Variants in SLC39A11 observed in about 807,000 individuals in gnomAD.
The protein encoded by SLC39A11 is zinc transporter ZIP11.
SLC39A11 carries 33 observed loss-of-function variants against 36.1 expected under a neutral mutation model. That is an observed-to-expected ratio of 0.91 (90% CI 0.69 to 1.22). The LOEUF (loss-of-function observed/expected upper bound fraction) is 1.22. Ranked by LOEUF, SLC39A11 falls within the 50% of genes most tolerant of loss-of-function variation. The pLI, the probability that SLC39A11 is intolerant of heterozygous loss-of-function variation, is 0.00. For missense variants in SLC39A11, 432 were observed against 430.3 expected (o/e 1.00, Z -0.03); for synonymous variants, 166 against 170.3 (o/e 0.97, Z 0.20).
chr17:72,648,850 G>C lies in SLC39A11; in HGVS notation c.882C>G (p.Ala294=), dbSNP rs975084902. The stretch of plus-strand genomic sequence containing the variant: ...TGTCGTCCATGACCACGTAGACCAT[G>C]GCACCGGCAGCAAAGGCCAGAGCGT... ...LPYALAFAAG[A]MVYVVMDDII... is the part of the protein sequence containing the mutation. The change falls in exon 9 of 10, where the codon GCC becomes GCG. Residue 294 remains alanine, a synonymous_variant. Coordinates refer to ENST00000255559, the MANE Select transcript of SLC39A11 (RefSeq NM_139177.4). 8 of 1,614,090 alleles carry C rather than the reference G, an allele frequency of 5.0e-6. No individual in the cohort carries two copies. The highest frequency in any genetic ancestry group is 6.8e-6 in the Non-Finnish European group (8 of 1,180,048).
chr17:72,792,372 C>A (rs560010452), intron 6 of SLC39A11, among the ~76,000 whole-genome samples: 10 of 152,158 alleles, frequency 6.6e-5, no homozygotes, highest in Non-Finnish European at 1.2e-4. Flanking sequence ...AAGTTGAGGA[C>A]TGGGCTGGGT....
chr17:72,773,681 A>G (rs2076031305), intron 6 of SLC39A11, among the ~76,000 whole-genome samples: 1 of 139,112 alleles, frequency 7.2e-6, no homozygotes, highest in Non-Finnish European at 1.5e-5. Context: ...ACACACACCC[A>G]GTATATAAAG....
At chr17:72,678,647 G>T (rs2071381368) in intron 7 of SLC39A11, among the ~76,000 whole-genome samples, 1 of 152,032 alleles carries the variant, frequency 6.6e-6, no homozygotes, top group Non-Finnish European at 1.5e-5. Context: ...AAAGGTTGTA[G>T]TGAGCCGAGA....
chr17:72,884,294 T>G (rs1286989837), intron 5 of SLC39A11, among the ~76,000 whole-genome samples: 2 of 152,272 alleles, frequency 1.3e-5, no homozygotes, highest in East Asian at 3.8e-4. Flanking sequence ...TTTGTACTGT[T>G]GCCCAGCCAT....
intron 6 of SLC39A11, among the ~76,000 whole-genome samples, chr17:72,745,217 A>G (rs2074884437): frequency 6.6e-6 from 1 of 152,236 alleles, no homozygotes; most frequent in South Asian, 2.1e-4. Flanking sequence ...GTGGATGGGA[A>G]AGGGCACCTG....
At chr17:72,846,018 C>CTCTT (rs2079035587) in intron 6 of SLC39A11, among the ~76,000 whole-genome samples, 22 of 57,956 alleles carry the variant, frequency 3.8e-4, no homozygotes, top group South Asian at 1.4e-3. Context: ...CTCTCTCTCT[C>CTCTT]TTTTTTTTTT....
chr17:72,733,616 G>A (rs977320513), intron 7 of SLC39A11, among the ~76,000 whole-genome samples: 16 of 152,120 alleles, frequency 1.1e-4, no homozygotes, highest in Non-Finnish European at 7.4e-5. Context: ...GGCCTCATGC[G>A]GCCTTATTCA....
chr17:72,842,656 G>C (rs1479075818), intron 6 of SLC39A11, among the ~76,000 whole-genome samples: 1 of 152,140 alleles, frequency 6.6e-6, no homozygotes, highest in African/African-American at 2.4e-5. Context: ...TGCTCAAAAG[G>C]CTGCAGTCTC....
At chr17:72,750,160 G>A (rs2075099290) in intron 6 of SLC39A11, among the ~76,000 whole-genome samples, 1 of 152,150 alleles carries the variant, frequency 6.6e-6, no homozygotes, top group South Asian at 2.1e-4. Flanking sequence ...GTCACCCTGG[G>A]AATTATCCCA....
At chr17:72,843,091 A>C (rs914995333) in intron 6 of SLC39A11, among the ~76,000 whole-genome samples, 1 of 152,106 alleles carries the variant, frequency 6.6e-6, no homozygotes, top group African/African-American at 2.4e-5. Context: ...CTGGGATTAC[A>C]GGCACGTGCC....
At chr17:72,967,907 C>G (rs539348267) in intron 4 of SLC39A11, among the ~76,000 whole-genome samples, 2 of 152,182 alleles carry the variant, frequency 1.3e-5, no homozygotes, top group Non-Finnish European at 2.9e-5. Context: ...TCTCTGCAGT[C>G]TCAGTTCTTT....
Position 72,737,909 on chromosome 17 carries a change from T to C in SLC39A11, c.602-1190A>G, listed in dbSNP as rs117491882. Among the ~76,000 whole-genome samples, 252 of 152,186 alleles carry C rather than the reference T, an allele frequency of 1.7e-3. 6 individuals carry two copies. The East Asian group carries it at 0.043, about 26-fold the overall frequency. ...TCTACCCTGCCCATGCTCCCTGAAA[T>C]CAAGGGAGCCACCATCTGAATAAAC... On this transcript the variant is annotated intron_variant, in intron 6 of 9. Transcript: ENST00000255559.
chr17:72,905,591 T>C (rs1164178188), intron 5 of SLC39A11, among the ~76,000 whole-genome samples: 1 of 150,420 alleles, frequency 6.6e-6, no homozygotes, highest in Admixed American at 6.6e-5. Context: ...AGCAAGACTC[T>C]GTCTCTAAAA....
At chr17:72,956,603 C>T (rs1217497861) in intron 4 of SLC39A11, among the ~76,000 whole-genome samples, 1 of 152,160 alleles carries the variant, frequency 6.6e-6, no homozygotes, top group Non-Finnish European at 1.5e-5. Flanking sequence ...TTTTCTAATC[C>T]TCGATGATTA....
chr17:72,804,144 C>T (rs1043675750), intron 6 of SLC39A11, among the ~76,000 whole-genome samples: 3 of 152,192 alleles, frequency 2.0e-5, no homozygotes, highest in Admixed American at 6.5e-5. Context: ...TACAGGCGCC[C>T]GCCACCACGT....
At chr17:73,039,618 T>C (rs985718752) in intron 3 of SLC39A11, among the ~76,000 whole-genome samples, 1 of 152,224 alleles carries the variant, frequency 6.6e-6, no homozygotes, top group Non-Finnish European at 1.5e-5. Context: ...TTAAGTATTA[T>C]ACAGACTCAT....
At chr17:72,777,963 G>A (rs1196487352) in intron 6 of SLC39A11, among the ~76,000 whole-genome samples, 1 of 152,082 alleles carries the variant, frequency 6.6e-6, no homozygotes, top group Non-Finnish European at 1.5e-5. Context: ...GGAGTGCAGT[G>A]GTGCGATGTC....
chr17:73,015,922 C>CGG (rs1404228831), intron 4 of SLC39A11, among the ~76,000 whole-genome samples: 1 of 152,052 alleles, frequency 6.6e-6, no homozygotes, highest in Non-Finnish European at 1.5e-5. Context: ...TGAGGAATGG[C>CGG]GGTGCTTTCT....
chr17:72,709,726 T>C (rs550181839), intron 7 of SLC39A11, among the ~76,000 whole-genome samples: 3 of 152,232 alleles, frequency 2.0e-5, no homozygotes, highest in Non-Finnish European at 4.4e-5. Flanking sequence ...CTATTTCCTG[T>C]ATCCTTTCAG....
Sources: gnomAD v4.1 joint callset for allele counts (sites outside exome capture counted in the v4.1 genomes callset) on GRCh38, gnomAD v4.1.1 for gene constraint, MANE v1.5 for transcripts, NCBI Gene and HGNC (gene_info 2026-07-23, HGNC 2026-07-21) for gene names.